Variants in AAR2 observed in about 807,000 individuals in gnomAD.
AAR2 encodes AAR2 splicing factor, also known as protein AAR2 homolog.
Under a neutral mutation model 26.9 loss-of-function variants are expected in AAR2, and 31 were observed. The ratio of observed to expected loss-of-function variants is 1.15; its 90% CI spans 0.86 to 1.55. The LOEUF (loss-of-function observed/expected upper bound fraction) is 1.55. Among genes scored for constraint, AAR2 ranks in the 40% most tolerant of loss-of-function variants. AAR2 has a pLI of 0.00. For missense variants in AAR2, 430 were observed against 491.3 expected (o/e 0.88, Z 1.18); for synonymous variants, 188 against 196.1 (o/e 0.96, Z 0.34).
intron 2 of AAR2, among the ~76,000 whole-genome samples, chr20:36,242,662 GA>G (rs1420799302): frequency 1.1e-4 from 16 of 152,058 alleles, no homozygotes; most frequent in Admixed American, 3.9e-4. Context: ...CAAAGTGCTG[GA>G]ATTACAGGCG....
At position 36,240,609 on chromosome 20, in the gene AAR2, C is replaced by T; in HGVS notation, c.741C>T (p.Ser247=). The change falls in exon 2 of 4, where the codon AGC becomes AGT. Residue 247 remains serine, a synonymous_variant. Transcript: ENST00000320849. ...TGCTCAACAAGCAGTTCCCCAGCAG[C>T]CCCCAGGATGTGCTTGGTGAGAAGG... The part of the protein sequence containing the change: ...ETVLNKQFPS[S]PQDVLGELQF... 2 of 1,610,600 alleles carry T rather than the reference C, an allele frequency of 1.2e-6. No individual in the cohort carries two copies. The highest frequency in any genetic ancestry group is 1.7e-6 in the Non-Finnish European group (2 of 1,178,254).
rs1428030070 is a variant in AAR2 at position 36,239,988 on chromosome 20, G to A, written c.120G>A (p.Glu40=). 1 of 1,614,118 alleles carries A rather than the reference G, an allele frequency of 6.2e-7. No homozygotes were observed. Among genetic ancestry groups the A allele is most frequent in the Non-Finnish European group, 8.5e-7 (1 of 1,180,058 alleles). ...TEFGIDYNSW[E]VGPKFRGVKM... ...TTGGGATTGACTATAACTCCTGGGAGGTCGGGCCCAAGTTCCGGGGCGTGA... is the reference window on the plus strand; with the variant it reads ...TTGGGATTGACTATAACTCCTGGGAAGTCGGGCCCAAGTTCCGGGGCGTGA... The change falls in exon 2 of 4, where the codon GAG becomes GAA. Residue 40 remains glutamate, a synonymous_variant. Transcript: ENST00000320849.
chr20:36,249,426 A>T (rs2064764188), intron 3 of AAR2, among the ~76,000 whole-genome samples: 1 of 152,258 alleles, frequency 6.6e-6, no homozygotes, highest in Non-Finnish European at 1.5e-5. Flanking sequence ...TTGATTACGT[A>T]GTACTTAGGC....
chr20:36,255,105 A>C (rs955243056), intron 3 of AAR2, among the ~76,000 whole-genome samples: 4 of 152,190 alleles, frequency 2.6e-5, no homozygotes, highest in African/African-American at 9.6e-5. Flanking sequence ...AAAATCAAAG[A>C]CAGCTTTTAA....
rs116368450 is a variant in AAR2, at chr20:36,242,364, T to G, written c.757+1739T>G. Among the ~76,000 whole-genome samples the G allele has an allele frequency of 1.3e-3, 194 of 145,274 alleles. 2 individuals are homozygous for G. In the Middle Eastern group the frequency reaches 0.018, roughly 13 times the overall value. On this transcript the variant is annotated intron_variant, in intron 2 of 3. Transcript: ENST00000320849. The stretch of plus-strand genomic sequence containing the variant: ...AACCTATATTTTAACAGGTACATCT[T>G]TTGTTGTTGTTGTTGTTGTTGTTGT...
At chr20:36,247,570 ATTG>A (rs1409966033) in intron 3 of AAR2, among the ~76,000 whole-genome samples, 4 of 152,012 alleles carry the variant, frequency 2.6e-5, no homozygotes, top group Non-Finnish European at 4.4e-5. Context: ...AAAAAAAAAA[ATTG>A]TTGTAAAAAA....
Position 36,240,496 on chromosome 20 carries a change from G to A in AAR2, c.628G>A (p.Glu210Lys). The stretch of plus-strand genomic sequence containing the variant: ...AGCCGGGACAGAGATCCGCTTCTCA[G>A]AGCTGCCCACGCAGATGTTCCCAGA... ...PRAGTEIRFS[E>K]LPTQMFPEGA... is the part of the protein sequence containing the mutation. Residue 210 changes from glutamate (E) to lysine (K), a missense_variant, in exon 2 of 4, where the codon GAG (glutamate) becomes AAG (lysine). Coordinates refer to ENST00000320849, the MANE Select transcript of AAR2 (RefSeq NM_001271874.2). 6.2e-7 allele frequency: 1 copy of A among 1,614,098 alleles called. No homozygotes were observed. The highest frequency in any genetic ancestry group is 8.5e-7 in the Non-Finnish European group (1 of 1,180,042).
intron 3 of AAR2, among the ~76,000 whole-genome samples, chr20:36,253,262 G>A (rs903200245): frequency 2.0e-5 from 3 of 152,158 alleles, no homozygotes; most frequent in African/African-American, 4.8e-5. Flanking sequence ...GGTCTCCTGC[G>A]GCCCAGCATT....
rs560580013 is a variant in AAR2, at chr20:36,246,506, A to C, written c.987+1580A>C. Among the ~76,000 whole-genome samples, 3 of 152,270 alleles carry C rather than the reference A, an allele frequency of 2.0e-5. No homozygotes were observed. The South Asian group carries it at 6.2e-4, about 32-fold the overall frequency. On this transcript the variant is annotated intron_variant, in intron 3 of 3. Coordinates refer to ENST00000320849, the MANE Select transcript of AAR2 (RefSeq NM_001271874.2). ...CCCTTTGTCCTTCCTCTGTGGGGAA[A>C]ATTTTCCCCAAAGGTACTGGTTATG...
At chr20:36,245,561 C>G (rs749088071) in intron 3 of AAR2, among the ~76,000 whole-genome samples, 1 of 152,184 alleles carries the variant, frequency 6.6e-6, no homozygotes, top group Non-Finnish European at 1.5e-5. Flanking sequence ...GTAACTTTCT[C>G]AAGAATAGAA....
intron 3 of AAR2, among the ~76,000 whole-genome samples, chr20:36,253,311 G>A (rs1271297537): frequency 1.3e-5 from 2 of 152,166 alleles, no homozygotes; most frequent in East Asian, 1.9e-4. Flanking sequence ...GCATGAGGGC[G>A]ATGTGGATCA....
chr20:36,245,072 T>G, intron 3 of AAR2, 146 bp downstream of exon 3: 1 of 750,134 alleles, frequency 1.3e-6, no homozygotes, highest in Non-Finnish European at 2.2e-6. Context: ...CTTTTCTCTC[T>G]CTTACTCAAT....
At chr20:36,252,271 A>G (rs1257728181) in intron 3 of AAR2, among the ~76,000 whole-genome samples, 1 of 152,208 alleles carries the variant, frequency 6.6e-6, no homozygotes, top group Admixed American at 6.5e-5. Flanking sequence ...ACTGTACAAA[A>G]GTGAACCCCA....
chr20:36,240,474 C>T lies in AAR2; in HGVS notation c.606C>T (p.Ala202=), dbSNP rs149423857. ...GGCTACCAGAGATGAAGCCCAGAGC[C>T]GGGACAGAGATCCGCTTCTCAGAGC... is the stretch of plus-strand genomic sequence containing the variant. The part of the protein sequence containing the change: ...LARLPEMKPR[A]GTEIRFSELP... Residue 202 remains alanine, a synonymous_variant, in exon 2 of 4, where the codon GCC becomes GCT. Transcript: ENST00000320849. 2,706 of 1,614,126 alleles carry T rather than the reference C, an allele frequency of 1.7e-3. 39 individuals carry two copies. The African/African-American group carries it at 0.032, about 19-fold the overall frequency.
chr20:36,248,740 G>T (rs191111499), intron 3 of AAR2, among the ~76,000 whole-genome samples: 10 of 152,280 alleles, frequency 6.6e-5, no homozygotes, highest in Admixed American at 2.0e-4. Flanking sequence ...GGCGTTAGGA[G>T]CACCAAAGAG....
rs774065363 is a variant in AAR2 at position 36,240,114 on chromosome 20, C to A, written c.246C>A (p.His82Gln). The A allele has an allele frequency of 1.2e-6, 2 of 1,614,246 alleles. No homozygotes were observed. Among genetic ancestry groups the A allele is most frequent in the Non-Finnish European group, 1.7e-6 (2 of 1,180,044 alleles). The change falls in exon 2 of 4, where the codon CAC (histidine) becomes CAA (glutamine). Residue 82 changes from histidine to glutamine, a missense_variant. Physicochemically the swap from His to Gln is conservative, Grantham distance 24. Coordinates refer to ENST00000320849, the MANE Select transcript of AAR2 (RefSeq NM_001271874.2). ...GTATGGGTTTCTTCCTTAGCCTGCA[C>A]CAGCGGGGGCTGACAGTGCTGCGCT... is the stretch of plus-strand genomic sequence containing the variant. ...GPRMGFFLSL[H>Q]QRGLTVLRWS...
intron 1 of AAR2, among the ~76,000 whole-genome samples, chr20:36,238,031 G>A (rs897886417): frequency 2.6e-5 from 4 of 151,750 alleles, no homozygotes; most frequent in East Asian, 1.9e-4. Flanking sequence ...TTATCCATCC[G>A]CCTCGGCCTC....
At chr20:36,236,689 A>C (rs2064610095) in intron 1 of AAR2, 186 bp downstream of exon 1, 1 of 152,188 alleles carries the variant, frequency 6.6e-6, no homozygotes, top group Non-Finnish European at 1.5e-5. Flanking sequence ...CCGTCGCCAG[A>C]GTTACGTCGC....
In AAR2 at chr20:36,240,349, G is replaced by A; in HGVS notation, c.481G>A (p.Val161Met). ...ENRQICAFSD[V>M]LPVLSMKHTK... is the part of the protein sequence containing the mutation. ...TCGACAGATCTGTGCCTTTTCCGAT[G>A]TGCTACCTGTGCTCTCCATGAAGCA... is the stretch of plus-strand genomic sequence containing the variant. Residue 161 changes from valine to methionine, a missense_variant, in exon 2 of 4, where the codon GTG becomes ATG. Coordinates refer to ENST00000320849, the MANE Select transcript of AAR2 (RefSeq NM_001271874.2). The A allele has an allele frequency of 3.1e-6, 5 of 1,614,238 alleles. No homozygotes were observed. Among genetic ancestry groups the A allele is most frequent in the Non-Finnish European group, 4.2e-6 (5 of 1,180,050 alleles).
Sources: gnomAD v4.1 joint callset for allele counts (sites outside exome capture counted in the v4.1 genomes callset) on GRCh38, gnomAD v4.1.1 for gene constraint, MANE v1.5 for transcripts, NCBI Gene and HGNC (gene_info 2026-07-23, HGNC 2026-07-21) for gene names.